Variants in TMEM150C observed in about 807,000 individuals in gnomAD.
TMEM150C encodes the protein tentonin 3.
A neutral mutation model predicts 29.9 loss-of-function variants in TMEM150C; 10 were observed. The observed-to-expected ratio is 0.33, with a 90% CI of 0.21 to 0.57. TMEM150C has a LOEUF of 0.57. Ranked by LOEUF, TMEM150C falls within the 20% of genes least tolerant of loss-of-function variation. The pLI is 0.88. For synonymous variants in TMEM150C, 101 were observed against 112.5 expected (o/e 0.90, Z 0.64); for missense variants, 251 against 303.6 (o/e 0.83, Z 1.29).
At chr4:82,533,729 A>G (rs911243064) in intron 1 of TMEM150C, among the ~76,000 whole-genome samples, 3 of 152,240 alleles carry the variant, frequency 2.0e-5, no homozygotes, top group Non-Finnish European at 4.4e-5. Flanking sequence ...CCATAGTTTA[A>G]GGAGTAGTTA....
At chr4:82,503,283 A>G (rs138661493) in intron 2 of TMEM150C, among the ~76,000 whole-genome samples, 171 bp from the exon 3 acceptor site, 143 of 152,302 alleles carry the variant, frequency 9.4e-4, no homozygotes, top group African/African-American at 3.1e-3. Context: ...CTCAAATGTC[A>G]TTATTAGTAA....
intron 1 of TMEM150C, among the ~76,000 whole-genome samples, chr4:82,551,049 A>G (rs1354439557): frequency 6.6e-6 from 1 of 152,216 alleles, no homozygotes; most frequent in Admixed American, 6.5e-5. Flanking sequence ...TGTCATTGCC[A>G]TAAGTTACTG....
At chr4:82,504,516 G>T in intron 2 of TMEM150C, 62 bp downstream of exon 2, 1 of 1,429,872 alleles carries the variant, frequency 7.0e-7, no homozygotes. Context: ...ATACTATTAA[G>T]GTTTACATTT....
At chr4:82,552,596 T>C (rs1182485305) in intron 1 of TMEM150C, among the ~76,000 whole-genome samples, 1 of 152,200 alleles carries the variant, frequency 6.6e-6, no homozygotes, top group Non-Finnish European at 1.5e-5. Context: ...TCACCTGTGA[T>C]GTTGCCTAGC....
chr4:82,513,083 C>T (rs1340867521), intron 1 of TMEM150C, among the ~76,000 whole-genome samples: 3 of 152,346 alleles, frequency 2.0e-5, no homozygotes, highest in East Asian at 3.9e-4. Flanking sequence ...AGCGCTCAAG[C>T]TCTGCTAAGG....
intron 1 of TMEM150C, among the ~76,000 whole-genome samples, chr4:82,531,754 CAAAAAAAAA>C (rs757992713): frequency 3.2e-5 from 2 of 62,290 alleles, no homozygotes; most frequent in Admixed American, 4.3e-4. Context: ...GACTCTGTCT[CAAAAAAAAA>C]AAAAAAAAAA....
chr4:82,512,359 T>C (rs957872875), intron 1 of TMEM150C, among the ~76,000 whole-genome samples: 1 of 152,222 alleles, frequency 6.6e-6, no homozygotes, highest in Non-Finnish European at 1.5e-5. Flanking sequence ...TACCAAATGC[T>C]CAATATCACC....
intron 1 of TMEM150C, among the ~76,000 whole-genome samples, chr4:82,534,232 CA>C: frequency 6.6e-6 from 1 of 152,240 alleles, no homozygotes; most frequent in Admixed American, 6.5e-5. Flanking sequence ...CTAGAAATAA[CA>C]AGTATAATTC....
chr4:82,507,358 C>G (rs1365613283), intron 1 of TMEM150C, among the ~76,000 whole-genome samples: 3 of 152,144 alleles, frequency 2.0e-5, no homozygotes, highest in African/African-American at 7.2e-5. Context: ...AATTTTCAAG[C>G]AGGGAGGTAG....
intron 1 of TMEM150C, among the ~76,000 whole-genome samples, chr4:82,528,651 T>A (rs989359477): frequency 2.7e-5 from 4 of 148,346 alleles, no homozygotes; most frequent in Non-Finnish European, 5.9e-5. Context: ...GAGGCTGGAG[T>A]GCAGTGGTGC....
chr4:82,527,928 C>T (rs2110081451), intron 1 of TMEM150C, among the ~76,000 whole-genome samples: 1 of 148,358 alleles, frequency 6.7e-6, no homozygotes, highest in Non-Finnish European at 1.5e-5. Context: ...CAGGTTCAAG[C>T]AAAGAAGAAA....
chr4:82,522,810 T>C (rs925465041), intron 1 of TMEM150C, among the ~76,000 whole-genome samples: 2 of 151,840 alleles, frequency 1.3e-5, no homozygotes, highest in Non-Finnish European at 1.5e-5. Context: ...AGAGGAAATA[T>C]AAGGGGTAAG....
chr4:82,513,559 T>C (rs78732007), intron 1 of TMEM150C, among the ~76,000 whole-genome samples: 255 of 151,994 alleles, frequency 1.7e-3, no homozygotes, highest in African/African-American at 5.9e-3. Context: ...ACAAAGTCTG[T>C]TGACCTTAAA....
intron 1 of TMEM150C, among the ~76,000 whole-genome samples, chr4:82,516,125 C>T (rs949823357): frequency 6.6e-6 from 1 of 152,172 alleles, no homozygotes; most frequent in Non-Finnish European, 1.5e-5. Context: ...AGAGGACAGA[C>T]AGGCCCAGAA....
At chr4:82,493,453 T>G (rs1723436579) in intron 6 of TMEM150C, among the ~76,000 whole-genome samples, 1 of 152,326 alleles carries the variant, frequency 6.6e-6, no homozygotes, top group South Asian at 2.1e-4. Flanking sequence ...CCGTCCCATA[T>G]ACTAGCCACC....
At chr4:82,487,929 A>ATATT (rs941375966) in intron 7 of TMEM150C, among the ~76,000 whole-genome samples, 4 of 151,508 alleles carry the variant, frequency 2.6e-5, no homozygotes, top group African/African-American at 9.7e-5. Context: ...CTTTTTATTT[A>ATATT]TATTTATTTA....
rs6829850 is a variant in TMEM150C, at chr4:82,483,972, A to G, written c.*1539T>C. 0.19 allele frequency: 28,515 copies of G among 151,568 alleles called. 2,842 individuals carry two copies. Among genetic ancestry groups the G allele is most frequent in the Admixed American group, 0.22 (3,309 of 15,232 alleles). 9.4% of individuals were successfully genotyped at this position (151,568 alleles called of 1,614,324 possible). On this transcript the variant is annotated 3_prime_UTR_variant, in exon 8 of 8. Coordinates refer to ENST00000449862, the MANE Select transcript of TMEM150C (RefSeq NM_001080506.3). ...ACCAGGCTAATTTTGTATTTTTTTT[A>G]GTAGAGACGGGGTTTCTTCACATTG...
intron 6 of TMEM150C, chr4:82,491,320 A>G: frequency 1.5e-6 from 1 of 668,502 alleles, no homozygotes. Flanking sequence ...TCTGGTCTGT[A>G]CCTGTGGGCT....
intron 1 of TMEM150C, among the ~76,000 whole-genome samples, chr4:82,518,260 G>T (rs956593161): frequency 6.6e-6 from 1 of 151,866 alleles, no homozygotes; most frequent in Non-Finnish European, 1.5e-5. Context: ...AGCTTGAAGT[G>T]AGCCGAGATC....
Sources: gnomAD v4.1 joint callset for allele counts (sites outside exome capture counted in the v4.1 genomes callset) on GRCh38, gnomAD v4.1.1 for gene constraint, MANE v1.5 for transcripts, NCBI Gene and HGNC (gene_info 2026-07-23, HGNC 2026-07-21) for gene names.